The following CUX1 variants were observed in gnomAD, a reference collection of about 807,000 sequenced individuals.
The protein encoded by CUX1 is protein CASP.
In CUX1, 31 loss-of-function variants were observed where a neutral mutation model predicts 158.8. The observed-to-expected ratio is 0.20, with a 90% CI of 0.15 to 0.26. The LOEUF (loss-of-function observed/expected upper bound fraction) is 0.26, where lower values mean the gene tolerates loss of function less well. Among genes scored for constraint, CUX1 ranks in the 10% least tolerant of loss-of-function variants. CUX1 has a pLI of 1.00. For synonymous variants in CUX1, 879 were observed against 862.1 expected (o/e 1.02, Z -0.34); for missense variants, 1,589 against 2,014.6 (o/e 0.79, Z 4.04).
chr7:102,230,475 A>T (rs1156469962), intron 21 of CUX1, among the ~76,000 whole-genome samples: 1 of 149,744 alleles, frequency 6.7e-6, no homozygotes, highest in Non-Finnish European at 1.5e-5. Flanking sequence ...ACAGAGCAAG[A>T]CACTATCTCA....
rs1259145718 is a variant in CUX1, at chr7:102,201,393, G to T, written c.2096G>T (p.Ser699Ile). Residue 699 changes from serine to isoleucine, a missense_variant, in exon 18 of 24, where the codon AGC becomes ATC. This residue lies in a region of CUX1 where 337 missense variants were observed against 409.3 expected (regional missense o/e 0.82). Transcript: ENST00000292535. This position sits in a 1 kb window ranked among gnomAD's most constrained non-coding sequence, Gnocchi z 5.0. ...EPAQPSSASG[S>I]GNSDDAIRSI... Reference sequence around the variant, plus strand: ...GCCCAGCCTTCCTCCGCATCCGGCAGCGGGAACTCTGATGACGCCATCCGC... The same window carrying T: ...GCCCAGCCTTCCTCCGCATCCGGCATCGGGAACTCTGATGACGCCATCCGC... The T allele has an allele frequency of 3.7e-6, 6 of 1,613,804 alleles. No homozygotes were observed. In the African/African-American group the frequency reaches 8.0e-5, roughly 22 times the overall value.
intron 1 of CUX1, chr7:101,913,079 A>G (rs1373933947): frequency 5.8e-6 from 1 of 172,502 alleles, no homozygotes; most frequent in African/African-American, 2.4e-5. Flanking sequence ...CTCCTCCCAC[A>G]GCCCGAGAAC....
intron 1 of CUX1, among the ~76,000 whole-genome samples, chr7:101,825,796 T>TGC (rs1329291358): frequency 9.7e-5 from 8 of 82,780 alleles, no homozygotes; most frequent in African/African-American, 1.7e-4. Flanking sequence ...TGTGTGTGTG[T>TGC]GTGCGCGCGC....
chr7:101,901,099 C>T (rs1201010476), intron 1 of CUX1, among the ~76,000 whole-genome samples: 1 of 152,082 alleles, frequency 6.6e-6, no homozygotes, highest in African/African-American at 2.4e-5. Flanking sequence ...TGGTGACTTG[C>T]TCAAGTTCCC....
rs1035992261 is a variant in CUX1, at chr7:102,158,679, G to A, written c.723+71G>A. 157 of 1,433,356 alleles carry A rather than the reference G, an allele frequency of 1.1e-4. 1 individual carries two copies. Among genetic ancestry groups the A allele is most frequent in the Non-Finnish European group, 1.3e-4 (137 of 1,018,446 alleles). 88.8% of individuals were successfully genotyped at this position (1,433,356 alleles called of 1,614,324 possible). A position where few individuals can be genotyped will look rare whatever the true frequency, so the allele number is the denominator to read the frequency against. On this transcript the variant is annotated intron_variant, in intron 9 of 23. Transcript: ENST00000292535. ...CCGTTTCTGGCATCTCGGAAGATGC[G>A]TCACCCGAAGTTAGAAGGCCGGTTA...
chr7:101,966,002 G>C (rs970485091), intron 2 of CUX1, among the ~76,000 whole-genome samples: 5 of 152,074 alleles, frequency 3.3e-5, no homozygotes, highest in African/African-American at 1.2e-4. Flanking sequence ...TTAGAACAGT[G>C]GGTTTCTGGA....
At chr7:102,058,423 T>C (rs578151817) in intron 3 of CUX1, among the ~76,000 whole-genome samples, 20 of 151,858 alleles carry the variant, frequency 1.3e-4, no homozygotes, top group Non-Finnish European at 2.5e-4. Flanking sequence ...AGCAGGCATG[T>C]GCCACTACAC....
chr7:102,103,979 T>G (rs575625578), intron 5 of CUX1, among the ~76,000 whole-genome samples: 1 of 152,250 alleles, frequency 6.6e-6, no homozygotes, highest in East Asian at 1.9e-4. Flanking sequence ...AAAACTTTAT[T>G]AATCATCCCT....
chr7:101,904,858 T>G (rs1353794231), intron 1 of CUX1, among the ~76,000 whole-genome samples: 2 of 152,228 alleles, frequency 1.3e-5, no homozygotes, highest in African/African-American at 2.4e-5. Context: ...CGTGAGCCAC[T>G]GCGCCTGGCC....
chr7:102,215,451 A>G (rs1554524285), intron 20 of CUX1, among the ~76,000 whole-genome samples: 1 of 152,170 alleles, frequency 6.6e-6, no homozygotes, highest in African/African-American at 2.4e-5. Context: ...CCTGATTAAT[A>G]TGCAAATAAT....
At chr7:102,058,915 A>T (rs116081358) in intron 3 of CUX1, among the ~76,000 whole-genome samples, 5,200 of 152,274 alleles carry the variant, frequency 0.034, 288 homozygotes, top group African/African-American at 0.12. Flanking sequence ...AGCCTAGCAC[A>T]TCTTAGCCTC....
At chr7:101,835,196 A>G (rs1794491314) in intron 1 of CUX1, among the ~76,000 whole-genome samples, 1 of 151,788 alleles carries the variant, frequency 6.6e-6, no homozygotes, top group African/African-American at 2.4e-5. Flanking sequence ...CCATTCATCT[A>G]TTCTCTGCAT....
chr7:102,232,774 A>G (rs900381804), intron 21 of CUX1, among the ~76,000 whole-genome samples: 8 of 152,316 alleles, frequency 5.3e-5, no homozygotes, highest in Admixed American at 5.2e-4. Flanking sequence ...CCCTCTGATC[A>G]GCCTGTGAAG....
intron 18 of CUX1, among the ~76,000 whole-genome samples, chr7:102,202,878 C>T (rs183116438): frequency 3.3e-5 from 5 of 152,302 alleles, no homozygotes; most frequent in African/African-American, 4.8e-5. Flanking sequence ...CCTTTCTGTT[C>T]TTGGCACTTT....
At chr7:102,108,519 G>A (rs1830592204) in intron 6 of CUX1, among the ~76,000 whole-genome samples, 1 of 151,788 alleles carries the variant, frequency 6.6e-6, no homozygotes, top group Non-Finnish European at 1.5e-5. Context: ...TAATTTTTCA[G>A]TAGAGATAGG....
At chr7:102,034,149 A>AAAAAAAG in intron 3 of CUX1, among the ~76,000 whole-genome samples, 1 of 149,562 alleles carries the variant, frequency 6.7e-6, no homozygotes, top group East Asian at 2.0e-4. Flanking sequence ...CCATCTCAAA[A>AAAAAAAG]AAAAAAAAAA....
At position 102,234,576 on chromosome 7, in the gene CUX1, G is replaced by A. The variant is rs556061046; in HGVS notation, c.3622+336G>A. On this transcript the variant is annotated intron_variant, in intron 22 of 23. Coordinates refer to ENST00000292535, the MANE Select transcript of CUX1 (RefSeq NM_181552.4). ...GGCTATCACAGCATTTACTGAGCAT[G>A]TACCAGGTGGCTAGAGGCCTTCCTT... Among the ~76,000 whole-genome samples, 40 of 152,218 alleles carry A rather than the reference G, an allele frequency of 2.6e-4. No individual in the cohort carries two copies. In the South Asian group the frequency reaches 4.4e-3, roughly 17 times the overall value.
chr7:102,031,205 T>C (rs1310413800), intron 3 of CUX1, among the ~76,000 whole-genome samples: 1 of 152,076 alleles, frequency 6.6e-6, no homozygotes, highest in Non-Finnish European at 1.5e-5. Flanking sequence ...ATTACAGGCA[T>C]GCACCACCTC....
chr7:102,022,128 G>A (rs1819448147), intron 2 of CUX1, among the ~76,000 whole-genome samples: 1 of 152,130 alleles, frequency 6.6e-6, no homozygotes, highest in African/African-American at 2.4e-5. Context: ...AGAGGGCTCG[G>A]GAGTGTGTGT....
Sources: allele counts gnomAD v4.1 joint callset (sites outside exome capture counted in the v4.1 genomes callset), GRCh38; gene constraint gnomAD v4.1.1; regional missense constraint gnomAD v4.1.1; non-coding constraint Gnocchi (gnomAD v3.1); transcripts MANE v1.5; gene names NCBI Gene and HGNC (gene_info 2026-07-23, HGNC 2026-07-21).